The following GMDS variants were observed in gnomAD, a reference collection of about 807,000 sequenced individuals.
The protein encoded by GMDS is GDP-mannose 4,6 dehydratase.
GMDS carries 20 observed loss-of-function variants against 49.9 expected under a neutral mutation model. That is an observed-to-expected ratio of 0.40 (90% CI 0.28 to 0.58). GMDS has a LOEUF of 0.58. GMDS is among the 20% of genes least tolerant of loss of function. The probability of loss-of-function intolerance (pLI) is 0.42; values close to 1 mark genes in which losing one functional copy is unlikely to be tolerated. For synonymous variants in GMDS, 177 were observed against 178.6 expected, an observed-to-expected ratio of 0.99 and a Z score of 0.07; for missense variants, 362 against 481.4, an observed-to-expected ratio of 0.75 and a Z score of 2.32.
intron 1 of GMDS, among the ~76,000 whole-genome samples, chr6:2,232,040 C>A (rs560730816): frequency 3.3e-5 from 5 of 151,710 alleles, no homozygotes; most frequent in African/African-American, 9.7e-5. Context: ...CGTTCTTTAG[C>A]AAAATGAAAA....
chr6:1,774,882 T>G (rs190738657), intron 7 of GMDS, among the ~76,000 whole-genome samples: 1 of 152,182 alleles, frequency 6.6e-6, no homozygotes, highest in Non-Finnish European at 1.5e-5. Context: ...GAGCTGAAGG[T>G]GGGCAGTTCA....
chr6:1,723,963 C>A (rs910661416), intron 9 of GMDS, among the ~76,000 whole-genome samples: 1 of 152,172 alleles, frequency 6.6e-6, no homozygotes, highest in Non-Finnish European at 1.5e-5. Flanking sequence ...GGTTACCTTT[C>A]AACTGGAAGA....
In GMDS at chr6:1,802,854, C is replaced by T. The variant is rs118068461; in HGVS notation, c.772-60268G>A. On this transcript the variant is annotated intron_variant, in intron 7 of 10. Transcript: ENST00000380815. ...TATTTCCTGTCTGTACTGAAGCAGT[C>T]GCCTGTTTCAATTACGACTTTCTCC... Among the ~76,000 whole-genome samples the T allele has an allele frequency of 9.9e-5, 15 of 152,272 alleles. No individual in the cohort carries two copies. In the East Asian group the frequency reaches 2.7e-3, roughly 27 times the overall value.
intron 7 of GMDS, among the ~76,000 whole-genome samples, chr6:1,751,798 G>A (rs1767743892): frequency 6.6e-6 from 1 of 152,156 alleles, no homozygotes; most frequent in Non-Finnish European, 1.5e-5. Context: ...AGCTGGGCCT[G>A]ACTGTTAGAA....
At chr6:2,245,291 C>T (rs1184971493) in intron 1 of GMDS, 30 bp downstream of exon 1, 14 of 1,441,722 alleles carry the variant, frequency 9.7e-6, no homozygotes, top group African/African-American at 1.4e-5. Flanking sequence ...CAGGCTGCCT[C>T]GGCCGGCGCG....
At chr6:2,117,589 C>T (rs772822725) in intron 2 of GMDS, 33 bp from the exon 3 acceptor site, 144 of 1,070,396 alleles carry the variant, frequency 1.3e-4, no homozygotes, top group Non-Finnish European at 2.0e-4. Flanking sequence ...GATAAATGTG[C>T]AATGAGGACT....
intron 7 of GMDS, among the ~76,000 whole-genome samples, chr6:1,767,871 T>C (rs912996151): frequency 6.6e-6 from 1 of 151,990 alleles, no homozygotes; most frequent in Non-Finnish European, 1.5e-5. Context: ...GAATACTAGG[T>C]GATCCCAGTT....
intron 4 of GMDS, among the ~76,000 whole-genome samples, chr6:2,063,378 A>C (rs1008906560): frequency 3.9e-5 from 6 of 152,164 alleles, no homozygotes; most frequent in African/African-American, 1.4e-4. Flanking sequence ...TCAATTTGTA[A>C]GTAAATACAT....
At chr6:1,924,565 G>A (rs777432277) in intron 7 of GMDS, among the ~76,000 whole-genome samples, 1 of 152,138 alleles carries the variant, frequency 6.6e-6, no homozygotes, top group Non-Finnish European at 1.5e-5. Context: ...AATATGTTCT[G>A]GCTATAGTTG....
At chr6:1,834,087 A>G (rs1200281657) in intron 7 of GMDS, among the ~76,000 whole-genome samples, 1 of 152,236 alleles carries the variant, frequency 6.6e-6, no homozygotes, top group African/African-American at 2.4e-5. Flanking sequence ...TCTAGTAGTT[A>G]AAGTTCAATC....
chr6:1,974,391 G>C (rs1199658707), intron 4 of GMDS, among the ~76,000 whole-genome samples: 1 of 152,098 alleles, frequency 6.6e-6, no homozygotes, highest in African/African-American at 2.4e-5. Context: ...AACAGAGTGG[G>C]GTTCAAGCAC....
chr6:1,827,392 TATACACAC>T (rs1771174265), intron 7 of GMDS, among the ~76,000 whole-genome samples: 6 of 144,352 alleles, frequency 4.2e-5, no homozygotes, highest in African/African-American at 7.7e-5. Flanking sequence ...AAAACCTGTA[TATACACAC>T]GTTTTGGAAA....
intron 7 of GMDS, among the ~76,000 whole-genome samples, chr6:1,838,646 A>T (rs1338605746): frequency 6.6e-6 from 1 of 152,218 alleles, no homozygotes; most frequent in East Asian, 1.9e-4. Context: ...GATTGGTATG[A>T]AGAGCGGAGG....
intron 8 of GMDS, among the ~76,000 whole-genome samples, chr6:1,732,536 A>C (rs6924173): frequency 0.82 from 124,261 of 152,150 alleles, 50,987 homozygotes; most frequent in East Asian, 1. Context: ...GCCGACAGAT[A>C]AGTCCCAGAA....
At chr6:1,840,351 G>C (rs1295236365) in intron 7 of GMDS, among the ~76,000 whole-genome samples, 1 of 152,158 alleles carries the variant, frequency 6.6e-6, no homozygotes, top group East Asian at 1.9e-4. Flanking sequence ...CTGGCACATA[G>C]TAGGTTCTCC....
At chr6:1,892,123 T>C (rs1220107829) in intron 7 of GMDS, among the ~76,000 whole-genome samples, 1 of 152,162 alleles carries the variant, frequency 6.6e-6, no homozygotes, top group East Asian at 1.9e-4. Context: ...AGTAGAGATG[T>C]AAGTAGCACC....
rs1374561969 is a variant in GMDS at position 2,096,245 on chromosome 6, A to T, written c.345+19526T>A. Reference sequence around the variant, plus strand: ...GTGAAACAGAAAGTTTATTAAAAAGAGGCGTGAAATGAAAGAAGTAAATAT... The same window carrying T: ...GTGAAACAGAAAGTTTATTAAAAAGTGGCGTGAAATGAAAGAAGTAAATAT... On this transcript the variant is annotated intron_variant, in intron 4 of 10. Transcript: ENST00000380815. Among the ~76,000 whole-genome samples the T allele has an allele frequency of 3.3e-5, 5 of 152,322 alleles. 1 individual carries two copies. Among genetic ancestry groups the T allele is most frequent in the Admixed American group, 3.3e-4 (5 of 15,302 alleles).
chr6:1,789,954 T>G (rs1769471025), intron 7 of GMDS, among the ~76,000 whole-genome samples: 2 of 152,246 alleles, frequency 1.3e-5, no homozygotes, highest in African/African-American at 4.8e-5. Context: ...TGAGCCTCTA[T>G]CATTTGTGAT....
intron 4 of GMDS, among the ~76,000 whole-genome samples, chr6:2,029,272 A>G (rs1181341082): frequency 6.6e-6 from 1 of 152,026 alleles, no homozygotes; most frequent in African/African-American, 2.4e-5. Flanking sequence ...CCCTAACCAG[A>G]TATTTTGCAA....
Sources: allele counts gnomAD v4.1 joint callset (sites outside exome capture counted in the v4.1 genomes callset), GRCh38; gene constraint gnomAD v4.1.1; transcripts MANE v1.5; gene names NCBI Gene and HGNC (gene_info 2026-07-23, HGNC 2026-07-21).